The following SEMA3E variants were observed in gnomAD, a reference collection of about 807,000 sequenced individuals.
SEMA3E encodes semaphorin 3E.
SEMA3E carries 49 observed loss-of-function variants against 93.6 expected under a neutral mutation model. The ratio of observed to expected loss-of-function variants is 0.52; its 90% CI spans 0.42 to 0.66. The LOEUF is 0.66. Among genes scored for constraint, SEMA3E ranks in the 30% least tolerant of loss-of-function variants. The pLI is 0.00. For missense variants in SEMA3E, 906 were observed against 964.8 expected, an observed-to-expected ratio of 0.94 and a Z score of 0.81; for synonymous variants, 363 against 330.7, an observed-to-expected ratio of 1.10 and a Z score of -1.06.
chr7:83,523,315 A>G (rs1004029141), intron 1 of SEMA3E, among the ~76,000 whole-genome samples: 52 of 152,178 alleles, frequency 3.4e-4, no homozygotes, highest in African/African-American at 1.2e-3. Context: ...GAGTGATCTC[A>G]AGAGAGTACC....
At chr7:83,390,024 T>TGTATACGTATACACATATATACGC (rs1562758365) in intron 14 of SEMA3E, among the ~76,000 whole-genome samples, 5 of 146,200 alleles carry the variant, frequency 3.4e-5, no homozygotes, top group Admixed American at 1.4e-4. Flanking sequence ...CGCGTATATG[T>TGTATACGTATACACATATATACGC]GTATACGTAT....
intron 1 of SEMA3E, among the ~76,000 whole-genome samples, chr7:83,577,476 C>T (rs146807737): frequency 2.8e-4 from 43 of 152,264 alleles, no homozygotes; most frequent in African/African-American, 1.0e-3. Flanking sequence ...ATAAAAGTCA[C>T]AAAAGTCTTG....
intron 4 of SEMA3E, among the ~76,000 whole-genome samples, chr7:83,421,322 A>T (rs1788666204): frequency 7.1e-6 from 1 of 141,842 alleles, no homozygotes. Flanking sequence ...ATAAGGCTTC[A>T]CACAGATAAT....
chr7:83,604,290 C>T (rs948689392), intron 1 of SEMA3E, among the ~76,000 whole-genome samples: 2 of 151,830 alleles, frequency 1.3e-5, no homozygotes, highest in Admixed American at 1.3e-4. Flanking sequence ...ATTCCATTTA[C>T]ATTCTATGTC....
At chr7:83,632,929 T>C (rs1254094980) in intron 1 of SEMA3E, among the ~76,000 whole-genome samples, 2 of 152,192 alleles carry the variant, frequency 1.3e-5, no homozygotes, top group Non-Finnish European at 2.9e-5. Context: ...CTGGAAGCCA[T>C]GGACATGATG....
chr7:83,558,865 T>C (rs1791971510), intron 1 of SEMA3E, among the ~76,000 whole-genome samples: 1 of 152,060 alleles, frequency 6.6e-6, no homozygotes, highest in African/African-American at 2.4e-5. Context: ...AAATACAATA[T>C]AAATCAAATA....
At chr7:83,617,741 ATG>A (rs1227521305) in intron 1 of SEMA3E, among the ~76,000 whole-genome samples, 1 of 148,704 alleles carries the variant, frequency 6.7e-6, no homozygotes, top group Non-Finnish European at 1.5e-5. Flanking sequence ...AGGTCGACTC[ATG>A]TGCCAGATGC....
At chr7:83,389,209 C>A (rs2116922180) in intron 14 of SEMA3E, among the ~76,000 whole-genome samples, 1 of 152,108 alleles carries the variant, frequency 6.6e-6, no homozygotes, top group Middle Eastern at 3.4e-3. Context: ...AATTATTATA[C>A]AACCAATAGC....
intron 4 of SEMA3E, among the ~76,000 whole-genome samples, chr7:83,438,486 G>A (rs1789047764): frequency 6.6e-6 from 1 of 152,056 alleles, no homozygotes; most frequent in Non-Finnish European, 1.5e-5. Flanking sequence ...TTTAATAAAT[G>A]TAAGTATGAT....
chr7:83,559,109 C>A (rs946968422), intron 1 of SEMA3E, among the ~76,000 whole-genome samples: 1 of 152,116 alleles, frequency 6.6e-6, no homozygotes, highest in African/African-American at 2.4e-5. Context: ...TTTGATGTAG[C>A]AGGAACAGTA....
chr7:83,535,715 A>C (rs1791400068), intron 1 of SEMA3E, among the ~76,000 whole-genome samples: 1 of 152,146 alleles, frequency 6.6e-6, no homozygotes, highest in African/African-American at 2.4e-5. Flanking sequence ...TTAATATTTT[A>C]TTTTCTTTAC....
chr7:83,414,387 A>C (rs1562771531), intron 5 of SEMA3E, among the ~76,000 whole-genome samples: 3 of 152,096 alleles, frequency 2.0e-5, no homozygotes, highest in African/African-American at 4.8e-5. Flanking sequence ...ACAATAACTT[A>C]AATTTTCTCT....
At chr7:83,614,737 T>A (rs1584365347) in intron 1 of SEMA3E, among the ~76,000 whole-genome samples, 1 of 152,082 alleles carries the variant, frequency 6.6e-6, no homozygotes, top group Admixed American at 6.6e-5. Flanking sequence ...GAAAAGAAAA[T>A]GTGACAAATT....
At chr7:83,634,407 A>C (rs1156698185) in intron 1 of SEMA3E, among the ~76,000 whole-genome samples, 1 of 152,068 alleles carries the variant, frequency 6.6e-6, no homozygotes, top group Non-Finnish European at 1.5e-5. Flanking sequence ...GATAGGAAAA[A>C]TCCTTCTGCA....
At chr7:83,599,752 T>C (rs1344604480) in intron 1 of SEMA3E, among the ~76,000 whole-genome samples, 1 of 152,190 alleles carries the variant, frequency 6.6e-6, no homozygotes, top group African/African-American at 2.4e-5. Context: ...TCTATGGTGT[T>C]CCAACCATGT....
Position 83,569,263 on chromosome 7 carries a change from A to G in SEMA3E, c.116-78989T>C, listed in dbSNP as rs576141804. Among the ~76,000 whole-genome samples, 111 of 151,918 alleles carry G rather than the reference A, an allele frequency of 7.3e-4. 1 individual carries two copies. In the Middle Eastern group the frequency reaches 0.01, roughly 14 times the overall value. Reference sequence around the variant, plus strand: ...TACAAACAAATGGAAAGATATCCCAAGCTCATTGATAACACACTCAAGAAC... The same window carrying G: ...TACAAACAAATGGAAAGATATCCCAGGCTCATTGATAACACACTCAAGAAC... On this transcript the variant is annotated intron_variant, in intron 1 of 16. Transcript: ENST00000643230.
intron 1 of SEMA3E, among the ~76,000 whole-genome samples, chr7:83,603,654 G>C (rs1297844757): frequency 2.0e-5 from 3 of 152,114 alleles, no homozygotes; most frequent in Admixed American, 2.0e-4. Context: ...ACAGCAGTGA[G>C]ATAGATATAG....
chr7:83,369,473 A>C (rs1242074354), intron 16 of SEMA3E, among the ~76,000 whole-genome samples: 2 of 152,158 alleles, frequency 1.3e-5, no homozygotes, highest in African/African-American at 2.4e-5. Flanking sequence ...TGGTGCCCCA[A>C]AGGCATTTTT....
chr7:83,560,833 C>T (rs938737643), intron 1 of SEMA3E, among the ~76,000 whole-genome samples: 1 of 151,862 alleles, frequency 6.6e-6, no homozygotes, highest in Admixed American at 6.6e-5. Flanking sequence ...GGTTATCATA[C>T]TTATCATACT....
Sources: allele counts gnomAD v4.1 joint callset (sites outside exome capture counted in the v4.1 genomes callset), GRCh38; gene constraint gnomAD v4.1.1; transcripts MANE v1.5; gene names NCBI Gene and HGNC (gene_info 2026-07-23, HGNC 2026-07-21).